The following NSD1 variants were observed in gnomAD, a reference collection of about 807,000 sequenced individuals.
NSD1 encodes nuclear receptor binding SET domain protein 1, also known as histone-lysine N-methyltransferase, H3 lysine-36 specific.
NSD1 carries 26 observed loss-of-function variants against 242.7 expected under a neutral mutation model. The ratio of observed to expected loss-of-function variants is 0.11; its 90% CI spans 0.08 to 0.15. NSD1 has a LOEUF of 0.15. Among genes scored for constraint, NSD1 ranks in the 10% least tolerant of loss-of-function variants. The probability of loss-of-function intolerance (pLI) is 1.00; values close to 1 mark genes in which losing one functional copy is unlikely to be tolerated. For missense variants in NSD1, 2,495 were observed against 3,272.8 expected, an observed-to-expected ratio of 0.76 and a Z score of 5.80; for synonymous variants, 1,106 against 1,178.1, an observed-to-expected ratio of 0.94 and a Z score of 1.25.
intron 2 of NSD1, among the ~76,000 whole-genome samples, chr5:177,145,638 C>A (rs541486274): frequency 2.6e-5 from 4 of 152,044 alleles, no homozygotes; most frequent in Admixed American, 6.6e-5. Context: ...CCAGGCTGGG[C>A]GTGGTGGCTC....
intron 14 of NSD1, among the ~76,000 whole-genome samples, chr5:177,260,914 T>C (rs891568266): frequency 6.6e-6 from 1 of 152,178 alleles, no homozygotes; most frequent in Non-Finnish European, 1.5e-5. Context: ...TAATTGTGTT[T>C]TGTTAACAAG....
intron 2 of NSD1, among the ~76,000 whole-genome samples, chr5:177,147,413 C>G (rs939805135): frequency 7.2e-5 from 11 of 152,044 alleles, no homozygotes; most frequent in Non-Finnish European, 1.6e-4. Context: ...GGCCTAGCCC[C>G]TCCATCTCTA....
intron 5 of NSD1, among the ~76,000 whole-genome samples, chr5:177,235,048 G>A (rs1403162562): frequency 2.0e-5 from 3 of 152,114 alleles, no homozygotes; most frequent in African/African-American, 7.2e-5. Flanking sequence ...CTTTTTCACT[G>A]TATTAATGGT....
intron 17 of NSD1, 27 bp from the exon 18 acceptor site, chr5:177,280,538 G>A: frequency 2.5e-6 from 4 of 1,614,160 alleles, no homozygotes; most frequent in Non-Finnish European, 3.4e-6. Flanking sequence ...CTTGTTTTAT[G>A]CGGTGTACTT....
At chr5:177,214,433 A>G (rs6556307) in intron 5 of NSD1, among the ~76,000 whole-genome samples, 126,538 of 152,166 alleles carry the variant, frequency 0.83, 53,343 homozygotes, top group East Asian at 1. Flanking sequence ...TCTCCAGGAC[A>G]TTTTCGTTTT....
At chr5:177,212,467 C>T (rs895572509) in intron 5 of NSD1, among the ~76,000 whole-genome samples, 14 of 144,394 alleles carry the variant, frequency 9.7e-5, no homozygotes, top group South Asian at 6.6e-4. Context: ...CACTTTCTCT[C>T]TCTCTCTTTC....
At chr5:177,198,074 A>T (rs985986108) in intron 3 of NSD1, among the ~76,000 whole-genome samples, 1 of 152,128 alleles carries the variant, frequency 6.6e-6, no homozygotes, top group African/African-American at 2.4e-5. Flanking sequence ...CAGTGGCACA[A>T]TTACAGCTCA....
At chr5:177,143,184 CTT>C (rs1176672455) in intron 2 of NSD1, among the ~76,000 whole-genome samples, 1 of 152,100 alleles carries the variant, frequency 6.6e-6, no homozygotes, top group African/African-American at 2.4e-5. Context: ...ATTACTAAAA[CTT>C]TACAGGTTGG....
At chr5:177,204,090 A>C (rs1305472209) in intron 3 of NSD1, 30 bp from the exon 4 acceptor site, 6 of 1,604,506 alleles carry the variant, frequency 3.7e-6, no homozygotes, top group Non-Finnish European at 3.4e-6. Context: ...TCTTTGATCT[A>C]ATGATTCTGG....
intron 2 of NSD1, among the ~76,000 whole-genome samples, chr5:177,147,829 A>T (rs1757377268): frequency 6.6e-6 from 1 of 152,012 alleles, no homozygotes. Flanking sequence ...GCCTCAAGTG[A>T]TCTACCTGCA....
chr5:177,255,569 G>GTTT (rs1170020768), intron 12 of NSD1, among the ~76,000 whole-genome samples: 1 of 151,832 alleles, frequency 6.6e-6, no homozygotes, highest in African/African-American at 2.4e-5. Context: ...TTTTTGTTTT[G>GTTT]TTTTGTTTTT....
In NSD1 at chr5:177,294,827, G is replaced by A. The variant is rs758217414; in HGVS notation, c.7459G>A (p.Glu2487Lys). Residue 2487 changes from glutamate (E) to lysine (K), a missense_variant, in exon 23 of 23, where the codon GAG becomes AAG. Coordinates refer to ENST00000439151, the MANE Select transcript of NSD1 (RefSeq NM_022455.5). ...PQADEKMPVLESSSWPASKGL... is the reference protein window; with the variant it reads ...PQADEKMPVLKSSSWPASKGL... ...GGCTGATGAGAAGATGCCAGTGTTG[G>A]AGTCAAGTTCATGGCCTGCCAGCAA... The A allele has an allele frequency of 1.2e-6, 2 of 1,612,628 alleles. No individual in the cohort carries two copies. Among genetic ancestry groups the A allele is most frequent in the Non-Finnish European group, 1.7e-6 (2 of 1,180,026 alleles).
At chr5:177,198,644 G>A (rs1238778829) in intron 3 of NSD1, among the ~76,000 whole-genome samples, 1 of 152,080 alleles carries the variant, frequency 6.6e-6, no homozygotes, top group Non-Finnish European at 1.5e-5. Context: ...GGGGGGTCAA[G>A]GCTTCAGAAT....
chr5:177,256,275 C>CTTTTTT (rs147226070), intron 12 of NSD1, among the ~76,000 whole-genome samples: 1 of 76,854 alleles, frequency 1.3e-5, no homozygotes, highest in African/African-American at 5.3e-5. Context: ...TGCCCCCACA[C>CTTTTTT]TTTTTTTTTT....
chr5:177,135,902 A>G lies in NSD1; in HGVS notation c.799A>G (p.Ile267Val), dbSNP rs776576217. The G allele has an allele frequency of 6.2e-7, 1 of 1,612,252 alleles. No homozygotes were observed. The highest frequency in any genetic ancestry group is 8.5e-7 in the Non-Finnish European group (1 of 1,178,398). Residue 267 changes from isoleucine (I) to valine (V), a missense_variant, in exon 2 of 23, where the codon ATA becomes GTA. Physicochemically the swap from Ile to Val is conservative, Grantham distance 29. This residue lies in a region of NSD1 where 376 missense variants were observed against 367.4 expected (regional missense o/e 1.02). Transcript: ENST00000439151. ...PFSLGDTNIT[I>V]EEQLNSINLS... ...TTCACTAGGAGACACAAACATTACA[A>G]TAGAAGAGCAATTAAACTCAATAAA...
At chr5:177,250,411 A>G (rs984965881) in intron 11 of NSD1, among the ~76,000 whole-genome samples, 2 of 152,206 alleles carry the variant, frequency 1.3e-5, no homozygotes, top group African/African-American at 4.8e-5. Context: ...TATTAATAGC[A>G]CTTCTTTTCA....
intron 2 of NSD1, 137 bp downstream of exon 2, chr5:177,136,167 G>T: frequency 2.7e-6 from 2 of 739,686 alleles, no homozygotes; most frequent in Admixed American, 2.6e-5. Context: ...CATAAGCTTT[G>T]GGCAAAATTT....
chr5:177,155,902 A>G (rs943518856), intron 2 of NSD1, among the ~76,000 whole-genome samples: 4 of 151,348 alleles, frequency 2.6e-5, no homozygotes, highest in African/African-American at 7.3e-5. Flanking sequence ...GACAGGTTTC[A>G]CCATGTCGGC....
At chr5:177,285,563 C>CAAAAAAA (rs772293606) in intron 20 of NSD1, among the ~76,000 whole-genome samples, 11 of 81,892 alleles carry the variant, frequency 1.3e-4, no homozygotes, top group African/African-American at 3.9e-4. Flanking sequence ...GATTCCATCT[C>CAAAAAAA]AAAAAAAAAA....
Sources: gnomAD v4.1 joint callset for allele counts (sites outside exome capture counted in the v4.1 genomes callset) on GRCh38, gnomAD v4.1.1 for gene constraint, gnomAD v4.1.1 regional missense constraint, MANE v1.5 for transcripts, NCBI Gene and HGNC (gene_info 2026-07-23, HGNC 2026-07-21) for gene names.